The following CHODL variants were observed in gnomAD, a reference collection of about 807,000 sequenced individuals.
The protein encoded by CHODL is chondrolectin, also known as transmembrane protein MT75.
A neutral mutation model predicts 34.5 loss-of-function variants in CHODL; 29 were observed. That is an observed-to-expected ratio of 0.84 (90% CI 0.63 to 1.15). The LOEUF is 1.15. Ranked by LOEUF, CHODL falls within the 50% of genes most tolerant of loss-of-function variation. CHODL has a pLI of 0.00. For synonymous variants in CHODL, 125 were observed against 116.1 expected (o/e 1.08, Z -0.49); for missense variants, 332 against 332.5 (o/e 1.00, Z 0.01).
At chr21:18,250,504 A>G (rs1391394699) in intron 1 of CHODL, among the ~76,000 whole-genome samples, 3 of 151,932 alleles carry the variant, frequency 2.0e-5, no homozygotes, top group South Asian at 4.1e-4. Context: ...GACTCCAGCT[A>G]TAGTGCACTA....
intron 1 of CHODL, among the ~76,000 whole-genome samples, chr21:17,945,648 AAGG>A (rs1330911334): frequency 1.3e-5 from 2 of 152,196 alleles, no homozygotes; most frequent in Non-Finnish European, 1.5e-5. Context: ...GGAATTCCAG[AAGG>A]AGAACAAAGA....
intron 2 of CHODL, among the ~76,000 whole-genome samples, chr21:18,044,932 A>T (rs2064423503): frequency 1.3e-5 from 2 of 151,934 alleles, no homozygotes; most frequent in Non-Finnish European, 2.9e-5. Context: ...CTCAGCAGTG[A>T]GTAAGATAGA....
chr21:18,072,667 TA>T (rs553571995), intron 2 of CHODL, among the ~76,000 whole-genome samples: 65 of 149,796 alleles, frequency 4.3e-4, no homozygotes, highest in East Asian at 3.5e-3. Context: ...TTATTTAAGA[TA>T]AAAAAAAAAC....
chr21:17,978,924 C>T (rs1206885495), intron 1 of CHODL, among the ~76,000 whole-genome samples: 1 of 151,934 alleles, frequency 6.6e-6, no homozygotes, highest in African/African-American at 2.4e-5. Context: ...GCAATAGGCC[C>T]CTCTCTGTCC....
intron 2 of CHODL, among the ~76,000 whole-genome samples, chr21:18,160,133 A>C (rs1191700107): frequency 1.3e-5 from 2 of 152,146 alleles, no homozygotes; most frequent in Non-Finnish European, 2.9e-5. Context: ...ACAATCTTAG[A>C]AGAAAGGAAC....
chr21:18,188,835 A>G (rs528346254), intron 2 of CHODL, among the ~76,000 whole-genome samples: 2 of 152,260 alleles, frequency 1.3e-5, no homozygotes, highest in African/African-American at 4.8e-5. Context: ...GGCATGCCGT[A>G]GTAAACGATG....
intron 1 of CHODL, among the ~76,000 whole-genome samples, chr21:18,017,182 C>G (rs1249804928): frequency 6.6e-6 from 1 of 152,086 alleles, no homozygotes; most frequent in Admixed American, 6.6e-5. Flanking sequence ...GTGAGAAGGC[C>G]ATGAGATTTG....
intron 2 of CHODL, among the ~76,000 whole-genome samples, chr21:18,094,274 G>A (rs1156550691): frequency 6.6e-6 from 1 of 152,086 alleles, no homozygotes; most frequent in Non-Finnish European, 1.5e-5. Context: ...AATAGCTAGA[G>A]ACTTCAACAC....
At chr21:18,140,643 A>G (rs2072789434) in intron 2 of CHODL, among the ~76,000 whole-genome samples, 1 of 152,192 alleles carries the variant, frequency 6.6e-6, no homozygotes, top group African/African-American at 2.4e-5. Flanking sequence ...ATAGAGCCAG[A>G]AAATGGGACT....
intron 2 of CHODL, among the ~76,000 whole-genome samples, chr21:18,161,498 T>C (rs1441340685): frequency 1.3e-5 from 2 of 152,234 alleles, no homozygotes; most frequent in Non-Finnish European, 2.9e-5. Context: ...TTCTCCCGCT[T>C]TCTCTTTTCA....
intron 2 of CHODL, among the ~76,000 whole-genome samples, chr21:18,089,152 C>A (rs565788550): frequency 2.6e-4 from 40 of 152,326 alleles, no homozygotes; most frequent in African/African-American, 7.7e-4. Flanking sequence ...TTGTTGCTCA[C>A]ATAACTCTGT....
At chr21:18,156,217 A>G (rs1026072547) in intron 2 of CHODL, among the ~76,000 whole-genome samples, 3 of 152,232 alleles carry the variant, frequency 2.0e-5, no homozygotes, top group Admixed American at 6.5e-5. Flanking sequence ...CGTTCAATCA[A>G]TTGATCTTGG....
At position 17,919,876 on chromosome 21, in the gene CHODL, A is replaced by C. The variant is rs2063170777; in HGVS notation, c.-145+2476A>C. Among the ~76,000 whole-genome samples the C allele has an allele frequency of 2.0e-5, 3 of 152,156 alleles. No individual in the cohort carries two copies. In the South Asian group the frequency reaches 6.2e-4, roughly 32 times the overall value. ...TAAATTTCTTTTGCCAGATACCCTA[A>C]ATCATCTTTCTCAAGTTCAGAGTCC... On this transcript the variant is annotated intron_variant, in intron 1 of 6. Transcript: ENST00000400127.
chr21:18,049,165 C>T (rs1219503805), intron 2 of CHODL, among the ~76,000 whole-genome samples: 1 of 151,894 alleles, frequency 6.6e-6, no homozygotes, highest in Non-Finnish European at 1.5e-5. Flanking sequence ...GATGGTGATA[C>T]ATTTGAGTAA....
intron 1 of CHODL, among the ~76,000 whole-genome samples, chr21:18,255,487 G>C (rs1045821025): frequency 5.3e-5 from 8 of 151,978 alleles, no homozygotes; most frequent in Non-Finnish European, 8.8e-5. Context: ...TTGTTTTCAA[G>C]TCTGCTAAAT....
chr21:18,139,242 C>T (rs993319199), intron 2 of CHODL, among the ~76,000 whole-genome samples: 13 of 151,444 alleles, frequency 8.6e-5, no homozygotes, highest in African/African-American at 1.9e-4. Context: ...AAATTGCAAG[C>T]GGAAGACTGT....
intron 1 of CHODL, among the ~76,000 whole-genome samples, chr21:18,014,442 A>T (rs2064051497): frequency 1.3e-5 from 2 of 152,226 alleles, no homozygotes; most frequent in South Asian, 4.1e-4. Flanking sequence ...ACACATGCAC[A>T]TAAACTGGAA....
At chr21:18,028,271 CTTT>C (rs1158769342) in intron 2 of CHODL, among the ~76,000 whole-genome samples, 14 of 70,638 alleles carry the variant, frequency 2.0e-4, no homozygotes, top group African/African-American at 8.5e-4. Flanking sequence ...TTTCTTTTTC[CTTT>C]TCCCCTTCCT....
At position 18,187,454 on chromosome 21, in the gene CHODL, C is replaced by T. The variant is rs545754695; in HGVS notation, c.-44-69055C>T. Among the ~76,000 whole-genome samples, 3 of 152,298 alleles carry T rather than the reference C, an allele frequency of 2.0e-5. No individual in the cohort carries two copies. The South Asian group carries it at 6.2e-4, about 32-fold the overall frequency. On this transcript the variant is annotated intron_variant, in intron 2 of 6. Coordinates refer to the CHODL transcript ENST00000400127. ...ATTTCTCTCTCTCATGACACCGTCA[C>T]ATTTTCTGCTATTTCCCATGGCATT...
Sources: gnomAD v4.1 joint callset for allele counts (sites outside exome capture counted in the v4.1 genomes callset) on GRCh38, gnomAD v4.1.1 for gene constraint, MANE v1.5 for transcripts, NCBI Gene and HGNC (gene_info 2026-07-23, HGNC 2026-07-21) for gene names.